WWOX: variants seen among roughly 807,000 people sequenced by gnomAD.
The protein encoded by WWOX is WW domain containing oxidoreductase, also known as WW domain-containing oxidoreductase.
A neutral mutation model predicts 46.2 loss-of-function variants in WWOX; 69 were observed. The ratio of observed to expected loss-of-function variants is 1.49; its 90% CI spans 1.23 to 1.82. The LOEUF (loss-of-function observed/expected upper bound fraction) is 1.82, where lower values mean the gene tolerates loss of function less well. WWOX is among the 40% of genes most tolerant of loss of function. The probability of loss-of-function intolerance (pLI) is 0.00; values close to 1 mark genes in which losing one functional copy is unlikely to be tolerated. For missense variants in WWOX, 919 were observed against 542.6 expected (o/e 1.69, Z -6.89); for synonymous variants, 359 against 202.6 (o/e 1.77, Z -6.56).
At chr16:78,821,973 C>T (rs1404567269) in intron 8 of WWOX, among the ~76,000 whole-genome samples, 1 of 152,156 alleles carries the variant, frequency 6.6e-6, no homozygotes, top group East Asian at 1.9e-4. Flanking sequence ...ACCTACCAGG[C>T]TCAAGCGATC....
rs145098718 is a variant in WWOX, at chr16:78,756,733, C to G, written c.1056+323981C>G. Reference sequence around the variant, plus strand: ...CCATATCTAATTTTAAGGTGGTGGACAAAGAATCAAACCTAAGTTGGGGAA... The same window carrying G: ...CCATATCTAATTTTAAGGTGGTGGAGAAAGAATCAAACCTAAGTTGGGGAA... On this transcript the variant is annotated intron_variant, in intron 8 of 8. Coordinates refer to ENST00000566780, the MANE Select transcript of WWOX (RefSeq NM_016373.4). Among the ~76,000 whole-genome samples, 521 of 152,248 alleles carry G rather than the reference C, an allele frequency of 3.4e-3. 5 individuals carry two copies. Among genetic ancestry groups the G allele is most frequent in the Middle Eastern group, 0.017 (5 of 294 alleles).
At chr16:78,282,853 G>GAGT (rs1289894485) in intron 5 of WWOX, among the ~76,000 whole-genome samples, 4 of 131,122 alleles carry the variant, frequency 3.1e-5, no homozygotes, top group African/African-American at 6.0e-5. Context: ...ACTCCAGCCT[G>GAGT]AGTGACAAGA....
intron 8 of WWOX, among the ~76,000 whole-genome samples, chr16:78,752,032 C>G (rs747451557): frequency 6.6e-6 from 1 of 151,976 alleles, no homozygotes; most frequent in African/African-American, 2.4e-5. Flanking sequence ...AGGAGAGAGA[C>G]GACACAAAAT....
intron 5 of WWOX, among the ~76,000 whole-genome samples, chr16:78,175,020 TAATAATAATAAG>T (rs1165406317): frequency 4.1e-5 from 6 of 147,108 alleles, no homozygotes; most frequent in African/African-American, 1.0e-4. Flanking sequence ...ATAATAATAA[TAATAATAATAAG>T]AATCTGACTA....
chr16:78,904,711 C>T (rs1433105042), intron 8 of WWOX, among the ~76,000 whole-genome samples: 4 of 152,124 alleles, frequency 2.6e-5, no homozygotes, highest in East Asian at 1.9e-4. Flanking sequence ...GGACAATAGG[C>T]GTATGTCAAG....
intron 8 of WWOX, among the ~76,000 whole-genome samples, chr16:79,084,058 C>T (rs1327057092): frequency 3.9e-5 from 6 of 152,134 alleles, no homozygotes; most frequent in Non-Finnish European, 7.3e-5. Flanking sequence ...ACCAGACCAT[C>T]GTGAACTTCT....
chr16:78,226,019 A>G (rs879511814), intron 5 of WWOX, among the ~76,000 whole-genome samples: 1 of 152,136 alleles, frequency 6.6e-6, no homozygotes, highest in African/African-American at 2.4e-5. Flanking sequence ...CTGCATCTTA[A>G]AAAAACAAAA....
chr16:78,827,567 T>C (rs2051692578), intron 8 of WWOX, among the ~76,000 whole-genome samples: 1 of 151,988 alleles, frequency 6.6e-6, no homozygotes, highest in East Asian at 1.9e-4. Context: ...GTGTGGTAGC[T>C]CATGCCTGTA....
At chr16:78,444,771 C>T (rs1234796872) in intron 8 of WWOX, among the ~76,000 whole-genome samples, 1 of 152,020 alleles carries the variant, frequency 6.6e-6, no homozygotes, top group East Asian at 1.9e-4. Flanking sequence ...ACCTCATGAT[C>T]CACCCGCCTC....
intron 8 of WWOX, among the ~76,000 whole-genome samples, chr16:79,164,950 A>G (rs2050562101): frequency 6.6e-6 from 1 of 152,140 alleles, no homozygotes; most frequent in Non-Finnish European, 1.5e-5. Flanking sequence ...GTTGTTATTC[A>G]CCCAGTACAA....
chr16:78,727,234 A>G (rs548418369), intron 8 of WWOX, among the ~76,000 whole-genome samples: 95 of 152,306 alleles, frequency 6.2e-4, no homozygotes, highest in African/African-American at 2.0e-3. Context: ...CCCTGTCTCT[A>G]CTAGAAATAC....
At chr16:78,102,723 C>A (rs752825522) in intron 1 of WWOX, among the ~76,000 whole-genome samples, 7 of 152,186 alleles carry the variant, frequency 4.6e-5, no homozygotes, top group African/African-American at 1.7e-4. Flanking sequence ...GCTGTGTACT[C>A]CTCCTTGTTG....
intron 5 of WWOX, among the ~76,000 whole-genome samples, chr16:78,214,787 A>T (rs547603403): frequency 6.6e-5 from 10 of 152,022 alleles, no homozygotes; most frequent in African/African-American, 2.2e-4. Flanking sequence ...CTACTTTATC[A>T]TTGTGAAAAC....
chr16:79,046,027 C>T (rs1209830641), intron 8 of WWOX, among the ~76,000 whole-genome samples: 2 of 151,940 alleles, frequency 1.3e-5, no homozygotes, highest in African/African-American at 2.4e-5. Context: ...GCCTCGAGCT[C>T]CTGACCTCAG....
At chr16:78,708,096 C>G (rs1597472326) in intron 8 of WWOX, among the ~76,000 whole-genome samples, 1 of 151,978 alleles carries the variant, frequency 6.6e-6, no homozygotes, top group Non-Finnish European at 1.5e-5. Flanking sequence ...GAGGCAGAGG[C>G]AGGAATATCA....
intron 8 of WWOX, among the ~76,000 whole-genome samples, chr16:78,705,180 A>T (rs1219957518): frequency 1.3e-5 from 2 of 152,144 alleles, no homozygotes; most frequent in Non-Finnish European, 2.9e-5. Flanking sequence ...ATATTTTCCA[A>T]AGCCATTTGC....
At chr16:78,161,696 C>T (rs187573822) in intron 4 of WWOX, among the ~76,000 whole-genome samples, 24 of 152,196 alleles carry the variant, frequency 1.6e-4, no homozygotes, top group East Asian at 7.7e-4. Context: ...ATGCTTTGGC[C>T]GCCCACGGTG....
intron 5 of WWOX, among the ~76,000 whole-genome samples, chr16:78,186,205 T>C (rs1301523250): frequency 6.6e-6 from 1 of 152,068 alleles, no homozygotes; most frequent in African/African-American, 2.4e-5. Context: ...TTAAATAAAA[T>C]ATCATTGAAG....
At chr16:79,115,001 A>G (rs1254505351) in intron 8 of WWOX, among the ~76,000 whole-genome samples, 1 of 152,234 alleles carries the variant, frequency 6.6e-6, no homozygotes, top group Non-Finnish European at 1.5e-5. Flanking sequence ...CAATAAGCAC[A>G]GTATCTGCTT....
Sources: allele counts gnomAD v4.1 joint callset (sites outside exome capture counted in the v4.1 genomes callset), GRCh38; gene constraint gnomAD v4.1.1; transcripts MANE v1.5; gene names NCBI Gene and HGNC (gene_info 2026-07-23, HGNC 2026-07-21).